ATP2B3: variants seen among roughly 807,000 people sequenced by gnomAD.
ATP2B3 encodes plasma membrane calcium-transporting ATPase 3.
In ATP2B3, 12 loss-of-function variants were observed where a neutral mutation model predicts 70.8. That is an observed-to-expected ratio of 0.17 (90% CI 0.11 to 0.27). The LOEUF is 0.27. Among genes scored for constraint, ATP2B3 ranks in the 10% least tolerant of loss-of-function variants. The probability of loss-of-function intolerance (pLI) is 1.00; values close to 1 mark genes in which losing one functional copy is unlikely to be tolerated. For synonymous variants in ATP2B3, 460 were observed against 497.8 expected (o/e 0.92, Z 1.01); for missense variants, 858 against 1,118.5 (o/e 0.77, Z 3.32).
Position 153,556,216 on chromosome X carries a change from T to C in ATP2B3, c.2226T>C (p.Asn742=), listed in dbSNP as rs781877854. The change falls in exon 14 of 22, where the codon AAT becomes AAC. Residue 742 remains asparagine, a synonymous_variant. Coordinates refer to ENST00000263519, the MANE Select transcript of ATP2B3 (RefSeq NM_001001344.3). ...EGKEFNRRIR[N]EKGEIEQERL... Reference sequence around the variant, plus strand: ...AGGAGTTCAACCGGCGGATCCGCAATGAGAAAGGCGAGGTAGCACCCGGCT... The same window carrying C: ...AGGAGTTCAACCGGCGGATCCGCAACGAGAAAGGCGAGGTAGCACCCGGCT... The C allele has an allele frequency of 1.7e-6, 2 of 1,209,048 alleles. No homozygotes were observed. Among genetic ancestry groups the C allele is most frequent in the South Asian group, 3.5e-5 (2 of 56,679 alleles).
intron 19 of ATP2B3, 57 bp downstream of exon 19, chrX:153,560,944 G>A: frequency 8.5e-7 from 1 of 1,179,760 alleles, no homozygotes; most frequent in Non-Finnish European, 1.2e-6. Flanking sequence ...GGAGGTGGTG[G>A]GCTTCAAGAC....
In ATP2B3 at chrX:153,582,485, C is replaced by G. The variant is rs532058640; in HGVS notation, c.*2187C>G. The stretch of plus-strand genomic sequence containing the variant: ...CTGCACTCACCGGCTTCTTCTCACT[C>G]TCTGTCGTAGACACACCGATAGGAC... On this transcript the variant is annotated 3_prime_UTR_variant, in exon 22 of 22. Coordinates refer to ENST00000263519, the MANE Select transcript of ATP2B3 (RefSeq NM_001001344.3). 9 of 112,906 alleles carry G rather than the reference C, an allele frequency of 8.0e-5. No homozygotes were observed. The highest frequency in any genetic ancestry group is 2.9e-4 in the African/African-American group (9 of 31,066). The allele number at this position is 112,906 out of a possible 1,213,427, so 9.3% of individuals were successfully genotyped here.
At chrX:153,553,794 G>C (rs1309548176) in intron 13 of ATP2B3, among the ~76,000 whole-genome samples, 1 of 113,348 alleles carries the variant, frequency 8.8e-6, no homozygotes, top group Non-Finnish European at 1.9e-5. Flanking sequence ...CAGATGCCAT[G>C]GCCTTGACAC....
intron 21 of ATP2B3, chrX:153,569,668 G>A (rs782695157): frequency 4.5e-5 from 54 of 1,209,326 alleles, no homozygotes; most frequent in Non-Finnish European, 5.5e-5. Context: ...GGCGGTCTTC[G>A]GTCCTCAGCC....
At position 153,580,161 on chromosome X, in the gene ATP2B3, C is replaced by T. The variant is rs782268203; in HGVS notation, c.3526C>T (p.Pro1176Ser). 11 of 950,724 alleles carry T rather than the reference C, an allele frequency of 1.2e-5. No individual in the cohort carries two copies. The highest frequency in any genetic ancestry group is 2.2e-5 in the Admixed American group (1 of 44,890). 78.4% of individuals were successfully genotyped at this position (950,724 alleles called of 1,213,427 possible). The change falls in exon 22 of 22, where the codon CCC becomes TCC. Residue 1176 changes from proline to serine, a missense_variant. Physicochemically the swap from Pro to Ser is moderately conservative, Grantham distance 74. This residue lies in a region of ATP2B3 where 265 missense variants were observed against 305.3 expected (regional missense o/e 0.87). Transcript: ENST00000263519. ...CGAGGAGCGCCTCCGGGCCCCCCCG[C>T]CCCCGTCCCCCAACCAGAACAACAA... ...ENEERLRAPP[P>S]PSPNQNNNAI...
At chrX:153,530,028 G>A (rs937115518) in intron 2 of ATP2B3, among the ~76,000 whole-genome samples, 5 of 112,838 alleles carry the variant, frequency 4.4e-5, no homozygotes, top group Admixed American at 1.9e-4. Context: ...ATGAACTTGA[G>A]TGGACAAATA....
intron 17 of ATP2B3, 44 bp from the exon 18 acceptor site, chrX:153,559,685 C>G: frequency 1.7e-6 from 2 of 1,169,851 alleles, no homozygotes; most frequent in Non-Finnish European, 2.3e-6. Context: ...CCCAACCTTC[C>G]CGGGCAGGCG....
Position 153,536,240 on chromosome X carries a change from C to T in ATP2B3, c.-8C>T, listed in dbSNP as rs782238026. 3 of 1,184,789 alleles carry T rather than the reference C, an allele frequency of 2.5e-6. No individual in the cohort carries two copies. The highest frequency in any genetic ancestry group is 3.4e-6 in the Non-Finnish European group (3 of 882,048). On this transcript the variant is annotated 5_prime_UTR_variant, in exon 3 of 22. Coordinates refer to ENST00000263519, the MANE Select transcript of ATP2B3 (RefSeq NM_001001344.3). Reference sequence around the variant, plus strand: ...AGATTGCACTTGTGAGAAGGCCTGACAGGCAGCATGGGCGACATGGCCAAT... The same window carrying T: ...AGATTGCACTTGTGAGAAGGCCTGATAGGCAGCATGGGCGACATGGCCAAT...
chrX:153,543,294 G>A (rs1288657084), intron 7 of ATP2B3, 126 bp downstream of exon 7: 5 of 961,369 alleles, frequency 5.2e-6, no homozygotes, highest in East Asian at 3.5e-5. Flanking sequence ...GGGAGGCCGG[G>A]CCCTCTCTTT....
At chrX:153,575,656 G>A (rs890817066) in intron 21 of ATP2B3, among the ~76,000 whole-genome samples, 4 of 111,735 alleles carry the variant, frequency 3.6e-5, no homozygotes, top group African/African-American at 9.8e-5. Flanking sequence ...GGCCGGGGGG[G>A]TTGGGCCTGC....
intron 7 of ATP2B3, among the ~76,000 whole-genome samples, chrX:153,545,469 GA>G (rs2090351301): frequency 8.8e-6 from 1 of 113,161 alleles, no homozygotes. Context: ...TCAGGAGTTG[GA>G]GACCAGCCTG....
intron 2 of ATP2B3, among the ~76,000 whole-genome samples, chrX:153,519,947 A>G (rs1484372196): frequency 1.8e-5 from 2 of 112,460 alleles, no homozygotes; most frequent in Admixed American, 9.3e-5. Flanking sequence ...AGATGCCCCA[A>G]TCGGCCCCCG....
intron 12 of ATP2B3, 60 bp from the exon 13 acceptor site, chrX:153,552,975 G>A: frequency 9.8e-7 from 1 of 1,021,905 alleles, no homozygotes; most frequent in South Asian, 2.1e-5. Flanking sequence ...AGTGTGACCA[G>A]CGCTGTTCCT....
At chrX:153,554,036 G>A (rs886135993) in intron 13 of ATP2B3, among the ~76,000 whole-genome samples, 19 of 113,716 alleles carry the variant, frequency 1.7e-4, no homozygotes, top group Admixed American at 1.6e-3. Context: ...GCTCTCCTTC[G>A]GGAGACAGGC....
intron 3 of ATP2B3, among the ~76,000 whole-genome samples, chrX:153,540,714 G>A (rs2090267154): frequency 8.9e-6 from 1 of 112,423 alleles, no homozygotes; most frequent in African/African-American, 3.2e-5. Flanking sequence ...GAGCTGGGGA[G>A]GGGGGTGTTG....
intron 2 of ATP2B3, among the ~76,000 whole-genome samples, chrX:153,530,219 C>T (rs782014640): frequency 3.6e-5 from 4 of 112,128 alleles, no homozygotes; most frequent in African/African-American, 3.2e-5. Flanking sequence ...TGTGTGGTCT[C>T]GAGCTTGACT....
chrX:153,547,246 G>C (rs1441667671), intron 8 of ATP2B3, among the ~76,000 whole-genome samples: 10 of 110,555 alleles, frequency 9.0e-5, no homozygotes, highest in African/African-American at 3.3e-4. Flanking sequence ...CGGAGTGGGG[G>C]ACACACCACC....
intron 12 of ATP2B3, among the ~76,000 whole-genome samples, chrX:153,551,881 G>A (rs1350515822): frequency 2.7e-5 from 3 of 112,328 alleles, no homozygotes; most frequent in Admixed American, 1.9e-4. Flanking sequence ...AAGTCACCTC[G>A]CTCCTCATGA....
At chrX:153,557,714 G>A (rs2090560230) in intron 16 of ATP2B3, among the ~76,000 whole-genome samples, 1 of 111,547 alleles carries the variant, frequency 9.0e-6, no homozygotes, top group Admixed American at 9.4e-5. Context: ...GAGCCGCCCC[G>A]CCCAGGGTGT....
Sources: gnomAD v4.1 joint callset for allele counts (sites outside exome capture counted in the v4.1 genomes callset) on GRCh38, gnomAD v4.1.1 for gene constraint, gnomAD v4.1.1 regional missense constraint, MANE v1.5 for transcripts, NCBI Gene and HGNC (gene_info 2026-07-23, HGNC 2026-07-21) for gene names.